The following LUZP2 variants were observed in gnomAD, a reference collection of about 807,000 sequenced individuals.
LUZP2 encodes leucine zipper protein 2.
LUZP2 carries 52 observed loss-of-function variants against 51.6 expected under a neutral mutation model. The ratio of observed to expected loss-of-function variants is 1.01; its 90% CI spans 0.81 to 1.27. The LOEUF is 1.27. Ranked by LOEUF, LUZP2 falls within the 50% of genes most tolerant of loss-of-function variation. The pLI, the probability that LUZP2 is intolerant of heterozygous loss-of-function variation, is 0.00. For missense variants in LUZP2, 436 were observed against 395.4 expected (o/e 1.10, Z -0.87); for synonymous variants, 154 against 137.3 (o/e 1.12, Z -0.85).
At chr11:25,003,200 A>G (rs1295348504) in intron 9 of LUZP2, among the ~76,000 whole-genome samples, 1 of 152,168 alleles carries the variant, frequency 6.6e-6, no homozygotes, top group Non-Finnish European at 1.5e-5. Flanking sequence ...TAAATCATCC[A>G]CATACTGAAG....
At chr11:24,750,217 G>T (rs992985286) in intron 4 of LUZP2, among the ~76,000 whole-genome samples, 1 of 151,998 alleles carries the variant, frequency 6.6e-6, no homozygotes. Flanking sequence ...CTTAATACTG[G>T]GGCATTTAAT....
intron 7 of LUZP2, among the ~76,000 whole-genome samples, chr11:24,962,172 C>T (rs1855429883): frequency 6.6e-6 from 1 of 152,040 alleles, no homozygotes; most frequent in Non-Finnish European, 1.5e-5. Flanking sequence ...TCTCTGGCTG[C>T]CCTTAACATT....
chr11:24,991,348 G>GTA (rs145786456), intron 9 of LUZP2, among the ~76,000 whole-genome samples: 11 of 85,960 alleles, frequency 1.3e-4, no homozygotes, highest in East Asian at 1.7e-3. Context: ...ATGTGTGTGT[G>GTA]TGTATATATA....
chr11:24,899,435 G>A (rs536031120), intron 5 of LUZP2, among the ~76,000 whole-genome samples: 69 of 151,676 alleles, frequency 4.5e-4, no homozygotes, highest in Non-Finnish European at 7.2e-4. Flanking sequence ...AAAACTGTGA[G>A]GTTGTAAACA....
At position 24,871,795 on chromosome 11, in the gene LUZP2, TA is replaced by T. The variant is rs758709996; in HGVS notation, c.397-34191del. ...AACACCAAATTTGATAAAATCAAGG[TA>T]AAAACATTTCTCTAAGAATGACTGA... On this transcript the variant is annotated intron_variant, in intron 5 of 11. Coordinates refer to ENST00000336930, the MANE Select transcript of LUZP2 (RefSeq NM_001009909.4). Among the ~76,000 whole-genome samples, 14 of 152,124 alleles carry T rather than the reference TA, an allele frequency of 9.2e-5. No homozygotes were observed. In the East Asian group the frequency reaches 1.4e-3, roughly 15 times the overall value.
chr11:25,053,542 C>CCTT (rs1565287322), intron 10 of LUZP2, among the ~76,000 whole-genome samples: 4 of 145,090 alleles, frequency 2.8e-5, no homozygotes, highest in Non-Finnish European at 4.5e-5. Context: ...TCCCACATGC[C>CCTT]TTTTTTTTTT....
chr11:24,806,724 C>T (rs1322513110), intron 5 of LUZP2, among the ~76,000 whole-genome samples: 4 of 151,896 alleles, frequency 2.6e-5, no homozygotes, highest in Admixed American at 2.6e-4. Flanking sequence ...ATCAATTCTC[C>T]CAATAGCTTT....
rs145496876 is a variant in LUZP2, at chr11:24,772,213, A to G, written c.396+8905A>G. Among the ~76,000 whole-genome samples, 853 of 152,342 alleles carry G rather than the reference A, an allele frequency of 5.6e-3. 8 individuals are homozygous for G. The highest frequency in any genetic ancestry group is 0.018 in the African/African-American group (740 of 41,576). ...AAAAAACAATAAAGGTCAATAACCA[A>G]TGATCTAGGGAAAACTCTAAATTTT... On this transcript the variant is annotated intron_variant, in intron 5 of 11. Transcript: ENST00000336930.
intron 1 of LUZP2, among the ~76,000 whole-genome samples, chr11:24,713,969 TAC>T (rs1455695243): frequency 6.7e-6 from 1 of 148,804 alleles, no homozygotes; most frequent in Non-Finnish European, 1.5e-5. Context: ...GTGCTGGGAT[TAC>T]AGGCATGAGC....
chr11:25,068,372 T>C (rs1264854098), intron 10 of LUZP2, among the ~76,000 whole-genome samples: 1 of 151,932 alleles, frequency 6.6e-6, no homozygotes, highest in Non-Finnish European at 1.5e-5. Context: ...TATAATTTAA[T>C]TTAGTAATAG....
intron 5 of LUZP2, among the ~76,000 whole-genome samples, chr11:24,806,939 G>A (rs1434282872): frequency 6.8e-6 from 1 of 146,346 alleles, no homozygotes; most frequent in African/African-American, 2.5e-5. Context: ...AGAAAATGAA[G>A]TAGAAAGGGT....
chr11:24,806,839 T>C (rs1453136294), intron 5 of LUZP2, among the ~76,000 whole-genome samples: 2 of 151,982 alleles, frequency 1.3e-5, no homozygotes, highest in Admixed American at 6.6e-5. Flanking sequence ...AGGGTAACTC[T>C]GATAAAATAA....
intron 1 of LUZP2, among the ~76,000 whole-genome samples, chr11:24,570,140 A>G (rs1363712032): frequency 6.6e-6 from 1 of 151,964 alleles, no homozygotes; most frequent in East Asian, 1.9e-4. Context: ...CTAAGGAAAA[A>G]CAAACTAGGG....
At chr11:24,750,890 C>T (rs921275544) in intron 4 of LUZP2, among the ~76,000 whole-genome samples, 2 of 152,110 alleles carry the variant, frequency 1.3e-5, no homozygotes, top group African/African-American at 4.8e-5. Context: ...ATACTTTCTA[C>T]TCTAATCCTC....
chr11:24,851,629 A>G (rs1255220175), intron 5 of LUZP2, among the ~76,000 whole-genome samples: 1 of 152,158 alleles, frequency 6.6e-6, no homozygotes. Context: ...TGCTGGCCTC[A>G]TAAAATGATT....
At chr11:24,758,797 A>T (rs1455764079) in intron 4 of LUZP2, among the ~76,000 whole-genome samples, 1 of 152,076 alleles carries the variant, frequency 6.6e-6, no homozygotes, top group African/African-American at 2.4e-5. Context: ...TTGTTTGTTT[A>T]TGCACATATG....
At chr11:24,816,200 A>G (rs1347713023) in intron 5 of LUZP2, among the ~76,000 whole-genome samples, 2 of 152,002 alleles carry the variant, frequency 1.3e-5, no homozygotes, top group Non-Finnish European at 2.9e-5. Context: ...TGGTAGTTAG[A>G]ATGATCTGAA....
chr11:24,846,449 A>T (rs773048627), intron 5 of LUZP2, among the ~76,000 whole-genome samples: 9 of 152,106 alleles, frequency 5.9e-5, no homozygotes, highest in Non-Finnish European at 1.3e-4. Flanking sequence ...CACTAAATAA[A>T]ATATTTTGAA....
intron 7 of LUZP2, among the ~76,000 whole-genome samples, chr11:24,939,547 G>A (rs1212448590): frequency 1.3e-5 from 2 of 151,444 alleles, no homozygotes; most frequent in Non-Finnish European, 2.9e-5. Context: ...AATATTCATA[G>A]GAAGGAAGGA....
Sources: gnomAD v4.1 joint callset for allele counts (sites outside exome capture counted in the v4.1 genomes callset) on GRCh38, gnomAD v4.1.1 for gene constraint, MANE v1.5 for transcripts, NCBI Gene and HGNC (gene_info 2026-07-23, HGNC 2026-07-21) for gene names.